The following ECD variants were observed in gnomAD, a reference collection of about 807,000 sequenced individuals.
The protein encoded by ECD is ecdysoneless cell cycle regulator.
In ECD, 59 loss-of-function variants were observed where a neutral mutation model predicts 77.2. The observed-to-expected ratio is 0.76, with a 90% confidence interval of 0.62 to 0.95. The LOEUF is 0.95. Ranked by LOEUF, ECD falls within the 40% of genes least tolerant of loss-of-function variation. ECD has a pLI of 0.00. For synonymous variants in ECD, 233 were observed against 267.4 expected (o/e 0.87, Z 1.26); for missense variants, 704 against 763.4 (o/e 0.92, Z 0.92).
At chr10:73,142,632 CAAAAAAA>C (rs35853120) in intron 9 of ECD, among the ~76,000 whole-genome samples, 999 of 74,048 alleles carry the variant, frequency 0.013, 15 homozygotes, top group African/African-American at 0.035. Flanking sequence ...GACTCCATCT[CAAAAAAA>C]AAAAAAAAAA....
In ECD at chr10:73,164,849, T is replaced by G. The variant is rs184944970; in HGVS notation, c.-13-899A>C. On this transcript the variant is annotated intron_variant, in intron 1 of 13. Coordinates refer to ENST00000372979, the MANE Select transcript of ECD (RefSeq NM_007265.3). ...CTTGATATAATACAGTGAATAGAAA[T>G]CTAGTATCACATTCCCCAATTAGTA... Among the ~76,000 whole-genome samples, 396 of 152,342 alleles carry G rather than the reference T, an allele frequency of 2.6e-3. 1 individual carries two copies. Among genetic ancestry groups the G allele is most frequent in the Non-Finnish European group, 4.3e-3 (291 of 68,028 alleles).
intron 3 of ECD, 70 bp downstream of exon 3, chr10:73,160,360 CTAAA>C: frequency 2.0e-6 from 2 of 983,776 alleles, no homozygotes; most frequent in Non-Finnish European, 2.9e-6. Context: ...AAATAAATTA[CTAAA>C]TAGATAAAAA....
intron 9 of ECD, among the ~76,000 whole-genome samples, chr10:73,142,501 G>A (rs1400844797): frequency 6.6e-6 from 1 of 151,806 alleles, no homozygotes; most frequent in South Asian, 2.1e-4. Context: ...AGGTATGATG[G>A]CACGCGCCTG....
chr10:73,167,590 C>T (rs538342270), intron 1 of ECD, among the ~76,000 whole-genome samples: 1 of 152,196 alleles, frequency 6.6e-6, no homozygotes, highest in East Asian at 1.9e-4. Context: ...CACAGTCTAA[C>T]CAAATCATCA....
intron 4 of ECD, 31 bp from the exon 5 acceptor site, chr10:73,156,484 G>C: frequency 6.2e-7 from 1 of 1,609,132 alleles, no homozygotes; most frequent in South Asian, 1.1e-5. Context: ...TTTTCACAGT[G>C]GGCACTGGCA....
At chr10:73,158,348 G>A (rs1220160211) in intron 3 of ECD, among the ~76,000 whole-genome samples, 2 of 152,076 alleles carry the variant, frequency 1.3e-5, no homozygotes, top group African/African-American at 4.8e-5. Flanking sequence ...GTGAAGTAAT[G>A]TACGTTATGA....
chr10:73,142,614 CAG>C (rs1432578773), intron 9 of ECD, among the ~76,000 whole-genome samples: 2 of 122,250 alleles, frequency 1.6e-5, no homozygotes, highest in South Asian at 2.6e-4. Context: ...AGCCTGGTGA[CAG>C]AGAGAGACTC....
intron 9 of ECD, among the ~76,000 whole-genome samples, chr10:73,145,193 ATC>A (rs888924563): frequency 1.3e-5 from 2 of 152,076 alleles, no homozygotes; most frequent in Non-Finnish European, 2.9e-5. Context: ...GTGAAACCCC[ATC>A]TCTACTAAAA....
At chr10:73,158,354 T>C (rs1208406265) in intron 3 of ECD, among the ~76,000 whole-genome samples, 1 of 152,200 alleles carries the variant, frequency 6.6e-6, no homozygotes, top group African/African-American at 2.4e-5. Flanking sequence ...TAATGTACGT[T>C]ATGAGCTCAA....
Position 73,163,686 on chromosome 10 carries a change from G to A in ECD, c.205+47C>T, listed in dbSNP as rs761732818. ...GACTATTACACATCACTGTTGTCAG[G>A]ATAACATTAAAAGTCACACTAATCC... is the stretch of plus-strand genomic sequence containing the variant. On this transcript the variant is annotated intron_variant, in intron 2 of 13. Transcript: ENST00000372979. The A allele has an allele frequency of 5.1e-6, 8 of 1,578,330 alleles. No individual in the cohort carries two copies. The Admixed American group carries it at 1.2e-4, about 23-fold the overall frequency.
intron 9 of ECD, among the ~76,000 whole-genome samples, chr10:73,145,791 C>T (rs1441261089): frequency 2.6e-5 from 4 of 151,500 alleles, no homozygotes; most frequent in Admixed American, 1.3e-4. Context: ...ACTACAGGCA[C>T]GCACCATCAT....
intron 9 of ECD, among the ~76,000 whole-genome samples, chr10:73,143,192 G>A (rs1056252730): frequency 1.3e-5 from 2 of 152,104 alleles, no homozygotes; most frequent in African/African-American, 2.4e-5. Context: ...GTTTTGAGAC[G>A]GAGTCTTGCT....
chr10:73,150,622 T>G (rs1347441840), intron 7 of ECD, among the ~76,000 whole-genome samples: 1 of 152,084 alleles, frequency 6.6e-6, no homozygotes, highest in African/African-American at 2.4e-5. Context: ...TGCAATCTAC[T>G]TATCTAACAA....
In ECD at chr10:73,152,405, C is replaced by T; in HGVS notation, c.800G>A (p.Cys267Tyr). ...TTGTTGCACCAATTGTGCATATAGA[C>T]ATTTAGTGAATGTGACCTGGGCATC... ...RIMTSVTFTK[C>Y]LYAQLVQQRF... Residue 267 changes from cysteine (C) to tyrosine (Y), a missense_variant, in exon 7 of 14, where the codon TGT becomes TAT. Coordinates refer to ENST00000372979, the MANE Select transcript of ECD (RefSeq NM_007265.3). 6.2e-7 allele frequency: 1 copy of T among 1,613,360 alleles called. No homozygotes were observed. Among genetic ancestry groups the T allele is most frequent in the Non-Finnish European group, 8.5e-7 (1 of 1,179,496 alleles).
intron 1 of ECD, among the ~76,000 whole-genome samples, chr10:73,164,555 C>A (rs538916837): frequency 6.6e-6 from 1 of 152,000 alleles, no homozygotes; most frequent in African/African-American, 2.4e-5. Flanking sequence ...GCAACCTCCA[C>A]CTCTTGGGCT....
chr10:73,137,045 C>T, intron 12 of ECD, 127 bp from the exon 13 acceptor site: 1 of 418,284 alleles, frequency 2.4e-6, no homozygotes, highest in South Asian at 1.0e-4. Context: ...GACTAATACA[C>T]ACAGTCAGTC....
At chr10:73,138,526 C>G (rs1843006019) in intron 11 of ECD, among the ~76,000 whole-genome samples, 1 of 151,980 alleles carries the variant, frequency 6.6e-6, no homozygotes, top group Admixed American at 6.6e-5. Flanking sequence ...AGAGCATCAA[C>G]ACTAATAATG....
intron 7 of ECD, among the ~76,000 whole-genome samples, chr10:73,150,049 A>C (rs1462483659): frequency 2.0e-5 from 3 of 152,156 alleles, no homozygotes; most frequent in Non-Finnish European, 4.4e-5. Flanking sequence ...GAACAAAAAA[A>C]GAGCCTGCAT....
chr10:73,166,548 A>G (rs12257799), intron 1 of ECD, among the ~76,000 whole-genome samples: 15,966 of 152,188 alleles, frequency 0.1, 1,228 homozygotes, highest in East Asian at 0.3. Context: ...TTTGATTTGC[A>G]TTTCTCTGAT....
Sources: allele counts gnomAD v4.1 joint callset (sites outside exome capture counted in the v4.1 genomes callset), GRCh38; gene constraint gnomAD v4.1.1; transcripts MANE v1.5; gene names NCBI Gene and HGNC (gene_info 2026-07-23, HGNC 2026-07-21).